The following DCDC1 variants were observed in gnomAD, a reference collection of about 807,000 sequenced individuals.
DCDC1 encodes the protein doublecortin domain containing 1.
Under a neutral mutation model 178.3 loss-of-function variants are expected in DCDC1, and 200 were observed. That is an observed-to-expected ratio of 1.12 (90% CI 1.00 to 1.26). The LOEUF is 1.26. DCDC1 is among the 50% of genes most tolerant of loss of function. The pLI is 0.00. For synonymous variants in DCDC1, 690 were observed against 604.8 expected, an observed-to-expected ratio of 1.14 and a Z score of -2.07; for missense variants, 1,983 against 1,749.2, an observed-to-expected ratio of 1.13 and a Z score of -2.38.
intron 8 of DCDC1, among the ~76,000 whole-genome samples, chr11:31,246,994 A>T (rs996555607): frequency 6.6e-6 from 1 of 152,044 alleles, no homozygotes; most frequent in African/African-American, 2.4e-5. Context: ...CAGTGATCCT[A>T]TTAAACTGAC....
intron 26 of DCDC1, 85 bp from the exon 27 acceptor site, chr11:30,915,796 T>C (rs1590348410): frequency 2.1e-6 from 3 of 1,410,998 alleles, no homozygotes; most frequent in Non-Finnish European, 2.9e-6. Flanking sequence ...TTATAAGTTC[T>C]GTTGGTGAGA....
chr11:31,195,225 A>AAG (rs1260442120), intron 9 of DCDC1, among the ~76,000 whole-genome samples: 1 of 152,062 alleles, frequency 6.6e-6, no homozygotes, highest in African/African-American at 2.4e-5. Flanking sequence ...ACTTCAGTTA[A>AAG]AGAGTGGATT....
Position 30,894,330 on chromosome 11 carries a change from ACAGGGCT to A in DCDC1, c.4813_4819del (p.Ser1605CysfsTer24). The A allele has an allele frequency of 6.2e-7, 1 of 1,613,876 alleles. No homozygotes were observed. Among genetic ancestry groups the A allele is most frequent in the Non-Finnish European group, 8.5e-7 (1 of 1,179,832 alleles). On this transcript the variant is annotated frameshift_variant, in exon 35 of 39. Coordinates refer to ENST00000684477, the MANE Select transcript of DCDC1 (RefSeq NM_001387274.1). LOFTEE classifies it high-confidence loss of function. ...GCCTCCTTCAACCACCACGGGCTGC[ACAGGGCT>A]CTTGGTAGGAACCATGGTGGCTGGC...
intron 9 of DCDC1, among the ~76,000 whole-genome samples, chr11:31,212,884 G>T (rs1352796416): frequency 6.6e-6 from 1 of 152,104 alleles, no homozygotes; most frequent in African/African-American, 2.4e-5. Flanking sequence ...GAAATTGGAA[G>T]AAACCTAAAT....
intron 12 of DCDC1, among the ~76,000 whole-genome samples, chr11:31,108,546 T>C (rs1428526604): frequency 6.6e-6 from 1 of 152,192 alleles, no homozygotes; most frequent in African/African-American, 2.4e-5. Context: ...ATCACCTTTT[T>C]ATAAAAAGGA....
intron 20 of DCDC1, among the ~76,000 whole-genome samples, chr11:30,985,242 G>T (rs1207845099): frequency 6.6e-6 from 1 of 152,102 alleles, no homozygotes; most frequent in South Asian, 2.1e-4. Context: ...AATGAAAAAA[G>T]AAAGCTTCAG....
chr11:31,071,997 G>C (rs1956595185), intron 18 of DCDC1, among the ~76,000 whole-genome samples: 1 of 152,138 alleles, frequency 6.6e-6, no homozygotes. Flanking sequence ...GAAATAATAA[G>C]TATTTGCTGT....
chr11:30,914,875 C>T (rs904307322), intron 27 of DCDC1, among the ~76,000 whole-genome samples: 2 of 152,024 alleles, frequency 1.3e-5, no homozygotes, highest in Admixed American at 1.3e-4. Flanking sequence ...CATTATTGGA[C>T]CCAACAAAAT....
At chr11:30,944,246 T>C (rs947055302) in intron 21 of DCDC1, 1 of 447,586 alleles carries the variant, frequency 2.2e-6, no homozygotes, top group African/African-American at 2.0e-5. Context: ...TTTTCTTGTT[T>C]CTTCCTTGTT....
At chr11:31,032,606 A>G (rs1953726063) in intron 20 of DCDC1, among the ~76,000 whole-genome samples, 1 of 152,140 alleles carries the variant, frequency 6.6e-6, no homozygotes, top group Non-Finnish European at 1.5e-5. Context: ...TGTAAATGAA[A>G]ATGGAAACTG....
At chr11:31,282,254 TAGAG>T (rs939595496) in intron 7 of DCDC1, among the ~76,000 whole-genome samples, 7 of 151,966 alleles carry the variant, frequency 4.6e-5, no homozygotes, top group African/African-American at 7.2e-5. Flanking sequence ...ATTTAATACA[TAGAG>T]AGATTTTGAG....
rs1313394555 is a variant in DCDC1, at chr11:31,282,650, G to T, written c.960+7997C>A. Among the ~76,000 whole-genome samples, 11 of 152,140 alleles carry T rather than the reference G, an allele frequency of 7.2e-5. 1 individual carries two copies. The South Asian group carries it at 1.0e-3, about 14-fold the overall frequency. On this transcript the variant is annotated intron_variant, in intron 7 of 38. Transcript: ENST00000684477. ...GGGTCTATAAAAGTGAATGTACCAGGTACATTTAAAATAATTTCTTTGTGC... is the reference window on the plus strand; with the variant it reads ...GGGTCTATAAAAGTGAATGTACCAGTTACATTTAAAATAATTTCTTTGTGC...
intron 36 of DCDC1, among the ~76,000 whole-genome samples, chr11:30,889,125 G>T (rs1412724114): frequency 2.6e-5 from 4 of 152,212 alleles, no homozygotes; most frequent in African/African-American, 7.2e-5. Context: ...CTGCAGGAAT[G>T]GGAGAAGACA....
At chr11:31,361,867 C>T (rs186707485) in intron 1 of DCDC1, among the ~76,000 whole-genome samples, 129 of 152,306 alleles carry the variant, frequency 8.5e-4, no homozygotes, top group Non-Finnish European at 1.7e-3. Context: ...AACGCAGGAA[C>T]TAAGTAACAA....
At chr11:31,187,361 C>G (rs534514584) in intron 9 of DCDC1, among the ~76,000 whole-genome samples, 1 of 152,106 alleles carries the variant, frequency 6.6e-6, no homozygotes, top group Non-Finnish European at 1.5e-5. Flanking sequence ...ACCTAGCATA[C>G]AGCTGCTCTC....
chr11:30,940,050 A>T (rs979132840), intron 21 of DCDC1, among the ~76,000 whole-genome samples: 2 of 152,162 alleles, frequency 1.3e-5, no homozygotes, highest in African/African-American at 4.8e-5. Flanking sequence ...TATTAGCACA[A>T]AGTTACTTGT....
At chr11:30,920,220 C>T (rs1946147753) in intron 25 of DCDC1, among the ~76,000 whole-genome samples, 1 of 152,154 alleles carries the variant, frequency 6.6e-6, no homozygotes, top group South Asian at 2.1e-4. Context: ...AGGCATGAAC[C>T]AGGGTCAGAA....
At chr11:30,922,750 G>GACATT in intron 23 of DCDC1, 112 bp from the exon 24 acceptor site, 1 of 1,081,462 alleles carries the variant, frequency 9.2e-7, no homozygotes, top group Non-Finnish European at 1.2e-6. Flanking sequence ...AATATAATAG[G>GACATT]TGAATGATTA....
chr11:31,158,755 C>A (rs1966003584), intron 9 of DCDC1, among the ~76,000 whole-genome samples: 1 of 152,112 alleles, frequency 6.6e-6, no homozygotes, highest in African/African-American at 2.4e-5. Flanking sequence ...TTAGCAATGT[C>A]AATTTTTTCA....
Sources: allele counts gnomAD v4.1 joint callset (sites outside exome capture counted in the v4.1 genomes callset), GRCh38; gene constraint gnomAD v4.1.1; transcripts MANE v1.5; gene names NCBI Gene and HGNC (gene_info 2026-07-23, HGNC 2026-07-21).